The following RAP1GAP2 variants were observed in gnomAD, a reference collection of about 807,000 sequenced individuals.
RAP1GAP2 encodes the protein RAP1 GTPase activating protein 2.
In RAP1GAP2, 27 loss-of-function variants were observed where a neutral mutation model predicts 95.0. That is an observed-to-expected ratio of 0.28 (90% CI 0.21 to 0.39). RAP1GAP2 has a LOEUF of 0.39. Among genes scored for constraint, RAP1GAP2 ranks in the 10% least tolerant of loss-of-function variants. The pLI is 1.00. For missense variants in RAP1GAP2, 771 were observed against 970.0 expected, an observed-to-expected ratio of 0.79 and a Z score of 2.72; for synonymous variants, 373 against 380.9, an observed-to-expected ratio of 0.98 and a Z score of 0.24.
chr17:2,964,416 T>G, intron 7 of RAP1GAP2: 1 of 246,934 alleles, frequency 4.0e-6, no homozygotes, highest in Non-Finnish European at 7.9e-6. Context: ...TGCCCCCCTT[T>G]TCCTTGGCCT....
At chr17:2,762,897 AACTCCC>A (rs1307018424) in intron 1 of RAP1GAP2, among the ~76,000 whole-genome samples, 1 of 151,958 alleles carries the variant, frequency 6.6e-6, no homozygotes, top group African/African-American at 2.4e-5. Context: ...GCTGGTCTCG[AACTCCC>A]GGACTCAAGC....
chr17:2,849,990 C>T (rs1423248611), intron 2 of RAP1GAP2, among the ~76,000 whole-genome samples: 2 of 147,254 alleles, frequency 1.4e-5, no homozygotes, highest in East Asian at 4.1e-4. Context: ...TAACACCTAA[C>T]ACTGCCTGCT....
At chr17:2,853,783 C>T (rs113661243) in intron 2 of RAP1GAP2, among the ~76,000 whole-genome samples, 16,848 of 147,056 alleles carry the variant, frequency 0.11, 1,079 homozygotes, top group East Asian at 0.24. Flanking sequence ...ACGGCGGCTG[C>T]CCCGCGGGCC....
At chr17:2,853,428 G>A (rs1183718209) in intron 2 of RAP1GAP2, among the ~76,000 whole-genome samples, 1 of 151,960 alleles carries the variant, frequency 6.6e-6, no homozygotes, top group Non-Finnish European at 1.5e-5. Flanking sequence ...CCGGGGCCGG[G>A]CCGGGGAGGG....
At chr17:2,882,134 T>TC (rs2073326613) in intron 2 of RAP1GAP2, among the ~76,000 whole-genome samples, 1 of 150,194 alleles carries the variant, frequency 6.7e-6, no homozygotes, top group Non-Finnish European at 1.5e-5. Context: ...TTTTTTTTTT[T>TC]TTTTAATTTT....
upstream of RAP1GAP2, among the ~76,000 whole-genome samples, chr17:2,776,157 G>C (rs1411834531): frequency 3.3e-5 from 5 of 149,604 alleles, no homozygotes. Flanking sequence ...CCAGCCTGGG[G>C]GACAGAGCAA....
At chr17:3,011,609 GTTT>G (rs555219792) in intron 17 of RAP1GAP2, among the ~76,000 whole-genome samples, 2 of 109,686 alleles carry the variant, frequency 1.8e-5, no homozygotes, top group Admixed American at 1.1e-4. Context: ...TCCTGTCAAA[GTTT>G]TTTTTTTTTT....
chr17:2,925,990 A>G (rs1053920525), intron 3 of RAP1GAP2, among the ~76,000 whole-genome samples: 1 of 152,024 alleles, frequency 6.6e-6, no homozygotes, highest in Non-Finnish European at 1.5e-5. Context: ...AAATACAAAA[A>G]TTAGCTGGGC....
intron 2 of RAP1GAP2, among the ~76,000 whole-genome samples, chr17:2,884,412 G>A (rs952325352): frequency 1.6e-5 from 2 of 126,638 alleles, no homozygotes; most frequent in Non-Finnish European, 3.2e-5. Flanking sequence ...TCGCTCTGTT[G>A]CCCAGGCTGG....
intron 2 of RAP1GAP2, among the ~76,000 whole-genome samples, chr17:2,816,238 T>G (rs909277833): frequency 3.4e-5 from 5 of 148,762 alleles, no homozygotes; most frequent in African/African-American, 1.0e-4. Flanking sequence ...TTTGTTTTGT[T>G]TTTTTTTTTT....
intron 2 of RAP1GAP2, among the ~76,000 whole-genome samples, chr17:2,897,927 T>C (rs1243868273): frequency 6.6e-6 from 1 of 150,936 alleles, no homozygotes; most frequent in East Asian, 2.0e-4. Flanking sequence ...GAGTCTTTTT[T>C]TTTTTTTTTT....
At chr17:2,998,515 A>G (rs961287463) in intron 14 of RAP1GAP2, 139 bp downstream of exon 14, 1 of 1,121,436 alleles carries the variant, frequency 8.9e-7, no homozygotes, top group African/African-American at 1.6e-5. Flanking sequence ...TTGGAGCTAG[A>G]TTCTGGGTAG....
intron 1 of RAP1GAP2, among the ~76,000 whole-genome samples, chr17:2,786,116 A>G (rs999721108): frequency 2.6e-5 from 4 of 151,882 alleles, no homozygotes; most frequent in South Asian, 2.1e-4. Flanking sequence ...GGCCAGGCTG[A>G]TCTCGAACTC....
intron 3 of RAP1GAP2, among the ~76,000 whole-genome samples, chr17:2,949,641 T>A (rs545339044): frequency 6.6e-6 from 1 of 150,612 alleles, no homozygotes; most frequent in Non-Finnish European, 1.5e-5. Context: ...GCCTGCTGTG[T>A]GCCCTGAGCA....
intron 2 of RAP1GAP2, among the ~76,000 whole-genome samples, chr17:2,897,890 G>A (rs1198345326): frequency 6.6e-6 from 1 of 151,610 alleles, no homozygotes; most frequent in Non-Finnish European, 1.5e-5. Context: ...AAGTAGGGGT[G>A]GGGATTGCCA....
intron 2 of RAP1GAP2, among the ~76,000 whole-genome samples, chr17:2,874,748 A>G (rs563897937): frequency 6.6e-6 from 1 of 152,274 alleles, no homozygotes; most frequent in South Asian, 2.1e-4. Context: ...CCCCACGTTT[A>G]GCTTGCGAGC....
chr17:2,884,504 C>T (rs1597507262), intron 2 of RAP1GAP2, among the ~76,000 whole-genome samples: 1 of 151,472 alleles, frequency 6.6e-6, no homozygotes, highest in South Asian at 2.1e-4. Flanking sequence ...TCCCAAGTAG[C>T]TGGGACTACA....
At chr17:2,796,355 T>C, upstream of RAP1GAP2, 1 of 690,038 alleles carries the variant, frequency 1.4e-6, no homozygotes, top group Non-Finnish European at 2.5e-6. This position sits in a 1 kb window ranked among gnomAD's most constrained non-coding sequence, Gnocchi z 4.7. Flanking sequence ...ACCTCCCAGC[T>C]CTGCAGCCTC....
Position 3,005,630 on chromosome 17 carries a change from G to A in RAP1GAP2, c.1272+190G>A, listed in dbSNP as rs968017670. 3.3e-5 allele frequency among the ~76,000 whole-genome samples: 5 copies of A among 152,174 alleles called. No individual in the cohort carries two copies. The highest frequency in any genetic ancestry group is 6.5e-5 in the Admixed American group (1 of 15,276). Reference sequence around the variant, plus strand: ...CATGCTGCCAGTCTGGCCCAGCATAGGACCACTTGTCAGGGTGTTTGACAC... The same window carrying A: ...CATGCTGCCAGTCTGGCCCAGCATAAGACCACTTGTCAGGGTGTTTGACAC... On this transcript the variant is annotated intron_variant, in intron 15 of 24. Coordinates refer to ENST00000254695, the MANE Select transcript of RAP1GAP2 (RefSeq NM_015085.5). This position sits in a 1 kb window ranked among gnomAD's most constrained non-coding sequence, Gnocchi z 5.2.
Sources: gnomAD v4.1 joint callset for allele counts (sites outside exome capture counted in the v4.1 genomes callset) on GRCh38, gnomAD v4.1.1 for gene constraint, Gnocchi (gnomAD v3.1) non-coding constraint, MANE v1.5 for transcripts, NCBI Gene and HGNC (gene_info 2026-07-23, HGNC 2026-07-21) for gene names.